DPH6: variants seen among roughly 807,000 people sequenced by gnomAD.
DPH6 encodes the protein diphthine--ammonia ligase.
Under a neutral mutation model 38.2 loss-of-function variants are expected in DPH6, and 33 were observed. The ratio of observed to expected loss-of-function variants is 0.86; its 90% CI spans 0.65 to 1.15. The LOEUF (loss-of-function observed/expected upper bound fraction) is 1.15, where lower values mean the gene tolerates loss of function less well. Ranked by LOEUF, DPH6 falls within the 50% of genes most tolerant of loss-of-function variation. The pLI, the probability that DPH6 is intolerant of heterozygous loss-of-function variation, is 0.00. For missense variants in DPH6, 325 were observed against 320.0 expected (o/e 1.02, Z -0.12); for synonymous variants, 108 against 103.0 (o/e 1.05, Z -0.30).
intron 3 of DPH6, among the ~76,000 whole-genome samples, chr15:35,516,221 G>A (rs2054844859): frequency 6.6e-6 from 1 of 152,144 alleles, no homozygotes; most frequent in South Asian, 2.1e-4. Flanking sequence ...GAAGAGCACA[G>A]CTAAATTCTC....
At chr15:35,154,155 A>G in the DPH6 span, among the ~76,000 whole-genome samples, 1 of 152,170 alleles carries the variant, frequency 6.6e-6, no homozygotes, top group African/African-American at 2.4e-5. Flanking sequence ...GTATATTACA[A>G]AACAGCTGGA....
intron 3 of DPH6, among the ~76,000 whole-genome samples, chr15:35,466,402 TG>T (rs1305201036): frequency 6.6e-6 from 1 of 152,136 alleles, no homozygotes; most frequent in Non-Finnish European, 1.5e-5. Flanking sequence ...CACCTCAGTT[TG>T]GTAGGGTTTA....
At chr15:35,179,669 C>T in the DPH6 span, among the ~76,000 whole-genome samples, 6 of 152,142 alleles carry the variant, frequency 3.9e-5, no homozygotes, top group Non-Finnish European at 8.8e-5. Context: ...GAAGAAAATA[C>T]ATATGTTTCT....
chr15:35,450,640 A>G (rs2053920279), intron 5 of DPH6, 45 bp downstream of exon 5: 1 of 1,451,040 alleles, frequency 6.9e-7, no homozygotes, highest in African/African-American at 1.4e-5. Flanking sequence ...AACTGAGATC[A>G]TCTATGTGGC....
At chr15:35,346,848 T>C (rs922543586) in intron 3 of DPH6, among the ~76,000 whole-genome samples, 4 of 152,168 alleles carry the variant, frequency 2.6e-5, no homozygotes, top group Admixed American at 6.6e-5. Context: ...TTTCTCTTTA[T>C]ATTTATTCCT....
At chr15:35,534,250 G>A (rs1418840982) in intron 3 of DPH6, among the ~76,000 whole-genome samples, 1 of 151,690 alleles carries the variant, frequency 6.6e-6, no homozygotes, top group East Asian at 1.9e-4. Flanking sequence ...GGTGGTGCAT[G>A]CCTGTAATCC....
intron 3 of DPH6, among the ~76,000 whole-genome samples, chr15:35,226,578 C>T (rs1486084994): frequency 2.0e-5 from 3 of 152,194 alleles, no homozygotes; most frequent in African/African-American, 7.2e-5. Context: ...ACCTGGGATA[C>T]ATTTACAATA....
the DPH6 span, among the ~76,000 whole-genome samples, chr15:35,196,886 G>A: frequency 2.0e-5 from 3 of 152,096 alleles, no homozygotes; most frequent in Non-Finnish European, 4.4e-5. Flanking sequence ...TGTTTAAATG[G>A]ATACCTTTTT....
intron 3 of DPH6, among the ~76,000 whole-genome samples, chr15:35,331,928 G>A (rs1056375639): frequency 1.3e-5 from 2 of 152,142 alleles, no homozygotes; most frequent in Non-Finnish European, 2.9e-5. Context: ...GCAGAAGAAT[G>A]GAGAAATGTA....
intron 5 of DPH6, among the ~76,000 whole-genome samples, chr15:35,436,508 AC>A (rs1467560064): frequency 0.044 from 1,548 of 35,250 alleles, 97 homozygotes; most frequent in African/African-American, 0.065. Context: ...ACAAAACAAA[AC>A]AAAACAAAAA....
chr15:35,274,047 A>G (rs971980461), intron 3 of DPH6, among the ~76,000 whole-genome samples: 8 of 152,200 alleles, frequency 5.3e-5, no homozygotes, highest in Non-Finnish European at 1.0e-4. Flanking sequence ...ACTGGTACCA[A>G]AACAGATATA....
intron 3 of DPH6, among the ~76,000 whole-genome samples, chr15:35,232,217 G>T (rs945888476): frequency 1.3e-5 from 2 of 152,202 alleles, no homozygotes; most frequent in African/African-American, 4.8e-5. Context: ...TCAAGTGTTG[G>T]AAAGACAGCC....
At chr15:35,521,961 C>G in intron 3 of DPH6, 2 of 1,422,296 alleles carry the variant, frequency 1.4e-6, no homozygotes, top group Non-Finnish European at 1.8e-6. Context: ...CAAATCTTGC[C>G]TAGGTAAGTA....
chr15:35,431,448 T>G (rs184520685), intron 5 of DPH6, among the ~76,000 whole-genome samples: 2 of 151,880 alleles, frequency 1.3e-5, no homozygotes, highest in Non-Finnish European at 2.9e-5. Context: ...GGAAAAAAAA[T>G]GTACAGATTT....
chr15:35,403,637 A>C (rs1333057516), intron 6 of DPH6, among the ~76,000 whole-genome samples: 1 of 151,966 alleles, frequency 6.6e-6, no homozygotes, highest in Non-Finnish European at 1.5e-5. Flanking sequence ...CAGCCTCCTA[A>C]GTAGCTGGGA....
chr15:35,295,049 G>A (rs923606037), intron 3 of DPH6, among the ~76,000 whole-genome samples: 3 of 152,136 alleles, frequency 2.0e-5, no homozygotes, highest in African/African-American at 7.2e-5. Context: ...CTGCTCGCAG[G>A]GAGGCTGCTC....
chr15:35,489,577 T>A, intron 3 of DPH6: 1 of 983,134 alleles, frequency 1.0e-6, no homozygotes, highest in Non-Finnish European at 1.2e-6. Context: ...TTTTTCTGAA[T>A]AATCATAAAA....
the DPH6 span, among the ~76,000 whole-genome samples, chr15:35,189,738 C>T: frequency 6.6e-6 from 1 of 152,086 alleles, no homozygotes; most frequent in Non-Finnish European, 1.5e-5. Context: ...AAAGCCACGA[C>T]AAATTTATTC....
At chr15:35,264,989 G>T (rs904547087) in intron 3 of DPH6, among the ~76,000 whole-genome samples, 2 of 152,114 alleles carry the variant, frequency 1.3e-5, no homozygotes, top group African/African-American at 4.8e-5. Context: ...CTGACTGAAA[G>T]TACATTACAC....
Sources: allele counts gnomAD v4.1 joint callset (sites outside exome capture counted in the v4.1 genomes callset), GRCh38; gene constraint gnomAD v4.1.1; transcripts MANE v1.5; gene names NCBI Gene and HGNC (gene_info 2026-07-23, HGNC 2026-07-21).